The following PFKM variants were observed in gnomAD, a reference collection of about 807,000 sequenced individuals.
PFKM encodes phosphofructokinase, muscle.
In PFKM, 58 loss-of-function variants were observed where a neutral mutation model predicts 95.5. That is an observed-to-expected ratio of 0.61 (90% CI 0.49 to 0.76). The LOEUF is 0.76. PFKM is among the 30% of genes least tolerant of loss of function. The pLI is 0.00. For missense variants in PFKM, 678 were observed against 1,005.4 expected (o/e 0.67, Z 4.40); for synonymous variants, 336 against 357.2 (o/e 0.94, Z 0.67).
chr12:48,143,895 C>A, intron 19 of PFKM, 81 bp downstream of exon 19: 1 of 1,179,420 alleles, frequency 8.5e-7, no homozygotes, highest in Non-Finnish European at 1.3e-6. Context: ...ATTGTTGGGA[C>A]ACCCTGAGGA....
chr12:48,138,212 G>C (rs1215966881), intron 11 of PFKM, among the ~76,000 whole-genome samples: 1 of 152,108 alleles, frequency 6.6e-6, no homozygotes, highest in Non-Finnish European at 1.5e-5. Flanking sequence ...TTCTAGCTGG[G>C]TAGCTTTTGT....
At chr12:48,130,264 A>G (rs1949329753) in intron 2 of PFKM, 99 bp from the exon 3 acceptor site, 2 of 819,154 alleles carry the variant, frequency 2.4e-6, no homozygotes, top group East Asian at 2.4e-5. Flanking sequence ...TAAATAAAGT[A>G]CTGATTCGTT....
At chr12:48,143,952 G>T in intron 19 of PFKM, 94 bp from the exon 20 acceptor site, 2 of 1,124,910 alleles carry the variant, frequency 1.8e-6, no homozygotes, top group Non-Finnish European at 2.7e-6. Flanking sequence ...TTGAATCCTT[G>T]GAGGAGATAA....
rs1393183016 is a variant in PFKM at position 48,145,203 on chromosome 12, A to G, written c.2093-7A>G. 6.2e-7 allele frequency: 1 copy of G among 1,613,926 alleles called. No individual in the cohort carries two copies. Among genetic ancestry groups the G allele is most frequent in the Non-Finnish European group, 8.5e-7 (1 of 1,179,848 alleles). On this transcript the variant is annotated splice_polypyrimidine_tract_variant and splice_region_variant and intron_variant, in intron 21 of 22. Coordinates refer to ENST00000359794, the MANE Select transcript of PFKM (RefSeq NM_000289.6). The surrounding 1 kb of genome is among the most constrained non-coding windows in gnomAD (Gnocchi z 4.3). ...TATAGAAGCTGACTGCCCATCCCTC[A>G]TTGCAGGGCGGATCTTTGCCAATAC...
At chr12:48,121,751 G>A (rs1565859863) in intron 1 of PFKM, among the ~76,000 whole-genome samples, 2 of 152,114 alleles carry the variant, frequency 1.3e-5, no homozygotes, top group African/African-American at 4.8e-5. Context: ...CAGTTCAGGT[G>A]GAAAATGGCA....
chr12:48,139,941 C>T (rs768218522), intron 13 of PFKM, 29 bp downstream of exon 13: 6 of 1,462,028 alleles, frequency 4.1e-6, no homozygotes, highest in Non-Finnish European at 5.8e-6. Flanking sequence ...GCCCTCTCCC[C>T]TTTTCCTTCT....
intron 1 of PFKM, among the ~76,000 whole-genome samples, chr12:48,121,508 T>C (rs1186263689): frequency 6.6e-6 from 1 of 152,216 alleles, no homozygotes; most frequent in East Asian, 1.9e-4. Context: ...TTTTATTATT[T>C]GTGTGGATTT....
chr12:48,134,099 T>C, intron 6 of PFKM, 133 bp from the exon 7 acceptor site: 1 of 798,556 alleles, frequency 1.3e-6, no homozygotes, highest in Non-Finnish European at 2.3e-6. Flanking sequence ...GTCTTCCTGG[T>C]CTCAGGAAGC....
At chr12:48,122,656 A>G in intron 1 of PFKM, 111 bp from the exon 2 acceptor site, 2 of 1,558,780 alleles carry the variant, frequency 1.3e-6, no homozygotes, top group Non-Finnish European at 1.7e-6. Flanking sequence ...CAGACTTGGT[A>G]TAGTGGGAGA....
At chr12:48,133,892 GA>G (rs1222088683) in intron 6 of PFKM, among the ~76,000 whole-genome samples, 1 of 152,174 alleles carries the variant, frequency 6.6e-6, no homozygotes, top group Non-Finnish European at 1.5e-5. Context: ...TGGGAGGATA[GA>G]AGGGTAACAG....
intron 13 of PFKM, 26 bp from the exon 14 acceptor site, chr12:48,140,696 A>T: frequency 6.2e-7 from 1 of 1,613,634 alleles, no homozygotes; most frequent in Middle Eastern, 1.6e-4. Flanking sequence ...TTCTGTCCTC[A>T]TTTTTCCCTG....
In PFKM at chr12:48,131,340, G is replaced by A. The variant is rs762942366; in HGVS notation, c.184G>A (p.Gly62Arg). 1 of 1,613,014 alleles carries A rather than the reference G, an allele frequency of 6.2e-7. No individual in the cohort carries two copies. The highest frequency in any genetic ancestry group is 8.5e-7 in the Non-Finnish European group (1 of 1,179,146). ...GGGTTATCAAGGCCTGGTGGATGGT[G>A]GAGATCACATCAAGGAAGCCACCTG... is the stretch of plus-strand genomic sequence containing the variant. The part of the protein sequence containing the change: ...HEGYQGLVDG[G>R]DHIKEATWES... Residue 62 changes from glycine (G) to arginine (R), a missense_variant, in exon 4 of 23, where the codon GGA becomes AGA. Transcript: ENST00000359794.
chr12:48,145,864 G>A lies in PFKM; in HGVS notation c.*156G>A, dbSNP rs907614521. ...CCAGTTCTGGCCAGGAGCTGGAGGA[G>A]CAGGCAGTGGGTGGGAGCTCCTTTT... is the stretch of plus-strand genomic sequence containing the variant. On this transcript the variant is annotated 3_prime_UTR_variant, in exon 23 of 23. Coordinates refer to ENST00000359794, the MANE Select transcript of PFKM (RefSeq NM_000289.6). The surrounding 1 kb of genome is among the most constrained non-coding windows in gnomAD (Gnocchi z 4.3). The A allele has an allele frequency of 4.1e-6, 3 of 738,768 alleles. No individual in the cohort carries two copies. In the Admixed American group the frequency reaches 7.2e-5, roughly 18 times the overall value. 45.8% of individuals were successfully genotyped at this position (738,768 alleles called of 1,614,324 possible).
upstream of PFKM, chr12:48,105,588 C>T (rs922763200): frequency 2.1e-6 from 1 of 474,754 alleles, no homozygotes; most frequent in South Asian, 1.6e-5. Flanking sequence ...AAATATCACT[C>T]GGGTCTCAAG....
At chr12:48,115,030 A>G (rs1395747459), upstream of PFKM, among the ~76,000 whole-genome samples, 1 of 152,130 alleles carries the variant, frequency 6.6e-6, no homozygotes, top group Non-Finnish European at 1.5e-5. Context: ...GTCATGGAGA[A>G]GGGGGATGGG....
chr12:48,116,705 C>T (rs750824458), upstream of PFKM, among the ~76,000 whole-genome samples: 23 of 152,224 alleles, frequency 1.5e-4, no homozygotes, highest in Middle Eastern at 3.4e-3. Flanking sequence ...TCTTAAATTC[C>T]GGAGCTCAAA....
In PFKM at chr12:48,125,268, C is replaced by T. The variant is rs145416813; in HGVS notation, c.85+2409C>T. The T allele has an allele frequency of 4.1e-5, 18 of 434,654 alleles. No homozygotes were observed. The East Asian group carries it at 1.2e-3, about 28-fold the overall frequency. 26.9% of individuals were successfully genotyped at this position (434,654 alleles called of 1,614,324 possible). A position where few individuals can be genotyped will look rare whatever the true frequency, so the allele number is the denominator to read the frequency against. ...TCAGTCATCTGCTCTGGCCCTCTGT[C>T]TCCAGATAGCCAGCCATTACAAATG... On this transcript the variant is annotated intron_variant, in intron 2 of 22. Transcript: ENST00000359794.
chr12:48,126,821 T>G (rs1221996185), intron 2 of PFKM, among the ~76,000 whole-genome samples: 3 of 152,232 alleles, frequency 2.0e-5, no homozygotes, highest in African/African-American at 7.2e-5. Flanking sequence ...TTTAGTTTCA[T>G]ATCTATTCTG....
exon 1 of PFKM, chr12:48,106,136 A>T (rs1946566250): frequency 4.3e-6 from 3 of 702,416 alleles, no homozygotes; most frequent in African/African-American, 3.5e-5. Context: ...AAGAGTCGCT[A>T]GGTGGCTGAA....
Sources: allele counts gnomAD v4.1 joint callset (sites outside exome capture counted in the v4.1 genomes callset), GRCh38; gene constraint gnomAD v4.1.1; non-coding constraint Gnocchi (gnomAD v3.1); transcripts MANE v1.5; gene names NCBI Gene and HGNC (gene_info 2026-07-23, HGNC 2026-07-21).